Variants in RAB3C observed in about 807,000 individuals in gnomAD.
RAB3C encodes RAB3C, member RAS oncogene family, also known as ras-related protein Rab-3C.
Under a neutral mutation model 26.4 loss-of-function variants are expected in RAB3C, and 17 were observed. The ratio of observed to expected loss-of-function variants is 0.64; its 90% CI spans 0.44 to 0.97. The LOEUF (loss-of-function observed/expected upper bound fraction) is 0.97, where lower values mean the gene tolerates loss of function less well. Among genes scored for constraint, RAB3C ranks in the 50% least tolerant of loss-of-function variants. RAB3C has a pLI of 0.00. For missense variants in RAB3C, 242 were observed against 281.9 expected (o/e 0.86, Z 1.01); for synonymous variants, 91 against 95.9 (o/e 0.95, Z 0.30).
chr5:58,805,603 A>AAAAG (rs10691454), intron 3 of RAB3C, among the ~76,000 whole-genome samples: 4,607 of 132,766 alleles, frequency 0.035, 202 homozygotes, highest in Admixed American at 0.074. Flanking sequence ...AAAAAAAAAA[A>AAAAG]AGAGAGAGAG....
At chr5:58,628,540 G>A (rs990574240) in intron 2 of RAB3C, among the ~76,000 whole-genome samples, 6 of 147,892 alleles carry the variant, frequency 4.1e-5, no homozygotes, top group African/African-American at 1.6e-4. Flanking sequence ...CATCATGGAA[G>A]GGGCCACAGA....
intron 3 of RAB3C, among the ~76,000 whole-genome samples, chr5:58,754,523 G>C (rs1429073828): frequency 6.6e-6 from 1 of 152,106 alleles, no homozygotes; most frequent in Non-Finnish European, 1.5e-5. Flanking sequence ...AAGGAGGACA[G>C]GAAGAGAGGT....
rs1036021046 is a variant in RAB3C, at chr5:58,797,894, G to A, written c.372-27144G>A. Among the ~76,000 whole-genome samples the A allele has an allele frequency of 7.9e-5, 12 of 152,180 alleles. No homozygotes were observed. In the East Asian group the frequency reaches 1.2e-3, roughly 15 times the overall value. ...CATTAAATTGACATTTTAACTTCTG[G>A]TGCACAGGATAAAATAATAATTAGC... On this transcript the variant is annotated intron_variant, in intron 3 of 4. Coordinates refer to ENST00000282878, the MANE Select transcript of RAB3C (RefSeq NM_138453.4).
intron 3 of RAB3C, among the ~76,000 whole-genome samples, chr5:58,753,322 T>C (rs1741575155): frequency 6.6e-6 from 1 of 152,222 alleles, no homozygotes; most frequent in Non-Finnish European, 1.5e-5. Context: ...ATGAGATATA[T>C]GCTGTTTCCT....
intron 3 of RAB3C, among the ~76,000 whole-genome samples, chr5:58,763,514 G>A (rs1741838385): frequency 6.6e-6 from 1 of 152,210 alleles, no homozygotes; most frequent in Non-Finnish European, 1.5e-5. Context: ...CCTACACTGA[G>A]TGAGTAGATC....
chr5:58,760,005 C>G (rs1190717430), intron 3 of RAB3C, among the ~76,000 whole-genome samples: 3 of 152,130 alleles, frequency 2.0e-5, no homozygotes, highest in Admixed American at 1.3e-4. Flanking sequence ...GAGAATCAAG[C>G]CAAGTGTTCT....
At chr5:58,702,793 T>G (rs1044745705) in intron 2 of RAB3C, among the ~76,000 whole-genome samples, 1 of 152,152 alleles carries the variant, frequency 6.6e-6, no homozygotes, top group Non-Finnish European at 1.5e-5. Context: ...TAAACCTACC[T>G]CTAAACAAAC....
chr5:58,619,650 T>G (rs1218124076), intron 2 of RAB3C, among the ~76,000 whole-genome samples: 2 of 152,160 alleles, frequency 1.3e-5, no homozygotes, highest in African/African-American at 2.4e-5. Flanking sequence ...TTAGAATCAT[T>G]TAGATAAAGC....
intron 2 of RAB3C, among the ~76,000 whole-genome samples, chr5:58,694,524 G>T (rs1748650407): frequency 6.6e-6 from 1 of 152,172 alleles, no homozygotes; most frequent in African/African-American, 2.4e-5. Flanking sequence ...CTTCCACGAT[G>T]GTTGAACTAA....
In RAB3C at chr5:58,805,804, G is replaced by A. The variant is rs943361406; in HGVS notation, c.372-19234G>A. Reference sequence around the variant, plus strand: ...GCAAAGGTGAGGAGGTATAAGTGGTGTGCTACAAAGTATATCACCCTGAAA... The same window carrying A: ...GCAAAGGTGAGGAGGTATAAGTGGTATGCTACAAAGTATATCACCCTGAAA... On this transcript the variant is annotated intron_variant, in intron 3 of 4. Transcript: ENST00000282878. 3.9e-5 allele frequency among the ~76,000 whole-genome samples: 6 copies of A among 151,982 alleles called. No homozygotes were observed. In the South Asian group the frequency reaches 6.2e-4, roughly 16 times the overall value.
chr5:58,646,904 T>A (rs114513399), intron 2 of RAB3C, among the ~76,000 whole-genome samples: 507 of 152,314 alleles, frequency 3.3e-3, no homozygotes, highest in African/African-American at 0.012. Flanking sequence ...AGTTTTAAAG[T>A]GTACAGAATC....
At chr5:58,695,034 G>C (rs1452698772) in intron 2 of RAB3C, among the ~76,000 whole-genome samples, 1 of 152,050 alleles carries the variant, frequency 6.6e-6, no homozygotes, top group African/African-American at 2.4e-5. Context: ...GTATTGCCTA[G>C]GTTTTCTTCT....
At chr5:58,667,936 T>C in intron 2 of RAB3C, among the ~76,000 whole-genome samples, 1 of 152,256 alleles carries the variant, frequency 6.6e-6, no homozygotes, top group African/African-American at 2.4e-5. Flanking sequence ...TTATTAATAT[T>C]CATCCTCCAT....
intron 3 of RAB3C, among the ~76,000 whole-genome samples, chr5:58,788,592 G>C (rs189523555): frequency 2.6e-5 from 4 of 152,256 alleles, no homozygotes; most frequent in South Asian, 2.1e-4. Flanking sequence ...GGCAGATTTG[G>C]TGAAAGCTTT....
chr5:58,739,582 A>T (rs1741233208), intron 3 of RAB3C, among the ~76,000 whole-genome samples: 1 of 152,212 alleles, frequency 6.6e-6, no homozygotes, highest in Non-Finnish European at 1.5e-5. Context: ...ACAACATTAG[A>T]CATGGGAGGT....
intron 3 of RAB3C, among the ~76,000 whole-genome samples, chr5:58,771,546 G>C (rs1275519436): frequency 6.6e-6 from 1 of 151,970 alleles, no homozygotes; most frequent in Non-Finnish European, 1.5e-5. Flanking sequence ...CAAATTAATA[G>C]GCAAGAGAAG....
chr5:58,612,520 GTATATATATATATATATATATA>G (rs200928384), intron 1 of RAB3C, among the ~76,000 whole-genome samples: 2 of 79,178 alleles, frequency 2.5e-5, no homozygotes, highest in South Asian at 4.1e-4. Context: ...GTGTGTGTGT[GTATATATATATATATATATATA>G]TATATGTATA....
At chr5:58,713,788 G>C (rs980156571) in intron 2 of RAB3C, among the ~76,000 whole-genome samples, 69 of 152,226 alleles carry the variant, frequency 4.5e-4, no homozygotes, top group African/African-American at 1.6e-3. Context: ...AGTATTCATT[G>C]ATAAAACACA....
At chr5:58,761,569 T>C (rs1034534651) in intron 3 of RAB3C, among the ~76,000 whole-genome samples, 2 of 152,142 alleles carry the variant, frequency 1.3e-5, no homozygotes, top group African/African-American at 4.8e-5. Context: ...CTTGTATCTC[T>C]TCATTTTGAA....
Sources: gnomAD v4.1 joint callset for allele counts (sites outside exome capture counted in the v4.1 genomes callset) on GRCh38, gnomAD v4.1.1 for gene constraint, MANE v1.5 for transcripts, NCBI Gene and HGNC (gene_info 2026-07-23, HGNC 2026-07-21) for gene names.